UBL3: variants seen among roughly 807,000 people sequenced by gnomAD.
UBL3 encodes ubiquitin-like protein 3.
In UBL3, 6 loss-of-function variants were observed where a neutral mutation model predicts 18.4. The observed-to-expected ratio is 0.33, with a 90% CI of 0.18 to 0.64. The LOEUF (loss-of-function observed/expected upper bound fraction) is 0.64, where lower values mean the gene tolerates loss of function less well. UBL3 is among the 30% of genes least tolerant of loss of function. UBL3 has a pLI of 0.76. For synonymous variants in UBL3, 49 were observed against 46.6 expected, an observed-to-expected ratio of 1.05 and a Z score of -0.21; for missense variants, 109 against 142.9, an observed-to-expected ratio of 0.76 and a Z score of 1.21.
intron 1 of UBL3, among the ~76,000 whole-genome samples, chr13:29,814,888 A>C (rs980345550): frequency 3.3e-5 from 5 of 152,178 alleles, no homozygotes; most frequent in African/African-American, 4.8e-5. Flanking sequence ...TAAGGGATTA[A>C]AACTACCAAA....
intron 1 of UBL3, among the ~76,000 whole-genome samples, chr13:29,845,963 C>G (rs1879218671): frequency 6.6e-6 from 1 of 152,048 alleles, no homozygotes; most frequent in African/African-American, 2.4e-5. Context: ...GTATACAATA[C>G]TCTTATAAAA....
intron 1 of UBL3, among the ~76,000 whole-genome samples, chr13:29,793,718 C>CA (rs1262140219): frequency 2.6e-5 from 4 of 152,152 alleles, no homozygotes; most frequent in African/African-American, 9.7e-5. Flanking sequence ...AATGATAACT[C>CA]AGAGTAACTA....
intron 1 of UBL3, among the ~76,000 whole-genome samples, chr13:29,848,968 T>A (rs1252816478): frequency 6.6e-6 from 1 of 152,220 alleles, no homozygotes; most frequent in Non-Finnish European, 1.5e-5. Flanking sequence ...TCCCAAAATA[T>A]CTTTATATTT....
At chr13:29,824,527 A>G (rs1478687120) in intron 1 of UBL3, among the ~76,000 whole-genome samples, 2 of 152,174 alleles carry the variant, frequency 1.3e-5, no homozygotes, top group East Asian at 3.8e-4. Context: ...GTGTCTGTTC[A>G]TATCCTTCGC....
intron 1 of UBL3, among the ~76,000 whole-genome samples, chr13:29,830,694 C>T (rs956868491): frequency 1.3e-5 from 2 of 152,168 alleles, no homozygotes; most frequent in South Asian, 4.1e-4. Flanking sequence ...CTATTAATGC[C>T]TGTCCTGATT....
chr13:29,827,415 T>G (rs1490481936), intron 1 of UBL3, among the ~76,000 whole-genome samples: 1 of 152,230 alleles, frequency 6.6e-6, no homozygotes, highest in South Asian at 2.1e-4. Context: ...TCTTGTTGAA[T>G]TGATCCCTTT....
intron 1 of UBL3, among the ~76,000 whole-genome samples, chr13:29,842,447 C>G (rs1463691343): frequency 6.6e-6 from 1 of 152,038 alleles, no homozygotes; most frequent in Admixed American, 6.5e-5. Context: ...GTGTGAGCCA[C>G]CGTGCCCAGC....
At chr13:29,818,170 A>T (rs1878332432) in intron 1 of UBL3, among the ~76,000 whole-genome samples, 1 of 152,158 alleles carries the variant, frequency 6.6e-6, no homozygotes, top group African/African-American at 2.4e-5. Context: ...TCAGCAGCAA[A>T]AGTAGCTAAA....
intron 1 of UBL3, among the ~76,000 whole-genome samples, chr13:29,831,079 C>T (rs1878758871): frequency 6.6e-6 from 1 of 151,820 alleles, no homozygotes; most frequent in South Asian, 2.1e-4. Flanking sequence ...TTCATAATTC[C>T]CTTTTTCCCA....
chr13:29,793,793 G>A (rs1364601920), intron 1 of UBL3, among the ~76,000 whole-genome samples: 1 of 152,140 alleles, frequency 6.6e-6, no homozygotes, highest in African/African-American at 2.4e-5. Flanking sequence ...CTCATTACAA[G>A]AACCAATGTG....
At chr13:29,834,293 T>G (rs1434935691) in intron 1 of UBL3, among the ~76,000 whole-genome samples, 1 of 151,934 alleles carries the variant, frequency 6.6e-6, no homozygotes, top group Non-Finnish European at 1.5e-5. Flanking sequence ...TTTTGGATGC[T>G]CAAATGAAAA....
Position 29,777,137 on chromosome 13 carries a change from G to C in UBL3, c.136+18C>G. 1.3e-6 allele frequency: 2 copies of C among 1,547,756 alleles called. No homozygotes were observed. The highest frequency in any genetic ancestry group is 1.2e-5 in the South Asian group (1 of 80,510). On this transcript the variant is annotated intron_variant, in intron 2 of 4. Transcript: ENST00000380680. ...AAGAATCAACATTATTCATACTCAA[G>C]AGAAAAATATCACTCACCCATTGGC...
intron 1 of UBL3, among the ~76,000 whole-genome samples, chr13:29,844,292 A>T (rs1345481033): frequency 1.3e-5 from 2 of 152,110 alleles, no homozygotes; most frequent in East Asian, 3.9e-4. Flanking sequence ...AAACAAACAG[A>T]AGTTCTCATA....
At chr13:29,836,355 T>TAAAC (rs1205472848) in intron 1 of UBL3, among the ~76,000 whole-genome samples, 45 of 123,948 alleles carry the variant, frequency 3.6e-4, no homozygotes, top group African/African-American at 1.1e-3. Context: ...AATAAATAAA[T>TAAAC]AAACAAATAA....
intron 1 of UBL3, among the ~76,000 whole-genome samples, chr13:29,782,128 A>C (rs1200281173): frequency 6.6e-6 from 1 of 152,196 alleles, no homozygotes; most frequent in African/African-American, 2.4e-5. Flanking sequence ...TCCTTTGAAG[A>C]CTATTCATTG....
At chr13:29,799,071 C>T (rs1040103166) in intron 1 of UBL3, among the ~76,000 whole-genome samples, 2 of 152,184 alleles carry the variant, frequency 1.3e-5, no homozygotes, top group African/African-American at 4.8e-5. Context: ...TCAACCTCAG[C>T]ACAACTGATA....
chr13:29,772,548 C>T (rs1260022338), intron 2 of UBL3, among the ~76,000 whole-genome samples: 2 of 151,950 alleles, frequency 1.3e-5, no homozygotes, highest in Non-Finnish European at 2.9e-5. Context: ...GTAATTAACA[C>T]ATAGTATTAT....
At chr13:29,813,036 T>G (rs1192117193) in intron 1 of UBL3, among the ~76,000 whole-genome samples, 1 of 151,992 alleles carries the variant, frequency 6.6e-6, no homozygotes, top group Non-Finnish European at 1.5e-5. Context: ...TGACTAAGAG[T>G]TACGTCATTA....
At chr13:29,844,254 A>T (rs1460670448) in intron 1 of UBL3, among the ~76,000 whole-genome samples, 1 of 152,184 alleles carries the variant, frequency 6.6e-6, no homozygotes, top group Non-Finnish European at 1.5e-5. Context: ...AGAAAAGCTC[A>T]ATTCTTTTCC....
Sources: allele counts gnomAD v4.1 joint callset (sites outside exome capture counted in the v4.1 genomes callset), GRCh38; gene constraint gnomAD v4.1.1; transcripts MANE v1.5; gene names NCBI Gene and HGNC (gene_info 2026-07-23, HGNC 2026-07-21).